Variants in PCDHGA4 observed in about 807,000 individuals in gnomAD.
The protein encoded by PCDHGA4 is protocadherin gamma subfamily A, 4.
A neutral mutation model predicts 54.6 loss-of-function variants in PCDHGA4; 38 were observed. The observed-to-expected ratio is 0.70, with a 90% CI of 0.54 to 0.91. The LOEUF is 0.91. PCDHGA4 is among the 40% of genes least tolerant of loss of function. The probability of loss-of-function intolerance (pLI) is 0.00; values close to 1 mark genes in which losing one functional copy is unlikely to be tolerated. For missense variants in PCDHGA4, 1,298 were observed against 1,220.9 expected (o/e 1.06, Z -0.94); for synonymous variants, 511 against 512.9 (o/e 1.00, Z 0.05).
rs570809952 is a variant in PCDHGA4 at position 141,463,609 on chromosome 5, C to T, written c.2515-31198C>T. 4.6e-5 allele frequency among the ~76,000 whole-genome samples: 7 copies of T among 151,964 alleles called. No homozygotes were observed. In the East Asian group the frequency reaches 9.7e-4, roughly 21 times the overall value. The stretch of plus-strand genomic sequence containing the variant: ...GACTACAGGTGCCTGCCACCATGCC[C>T]GGCTAATTTTTTGTATTTTGTTTAG... On this transcript the variant is annotated intron_variant, in intron 1 of 3. Coordinates refer to ENST00000571252, the MANE Select transcript of PCDHGA4 (RefSeq NM_018917.4).
chr5:141,372,317 C>T (rs775859797), intron 1 of PCDHGA4: 3 of 1,613,614 alleles, frequency 1.9e-6, no homozygotes, highest in East Asian at 2.2e-5. Flanking sequence ...CCCGCCAGCG[C>T]CTGCTGGTCA....
Position 141,355,073 on chromosome 5 carries a change from G to T in PCDHGA4, c.-35G>T. 7.3e-7 allele frequency: 1 copy of T among 1,374,922 alleles called. No homozygotes were observed. The highest frequency in any genetic ancestry group is 2.4e-5 in the East Asian group (1 of 41,210). The allele number at this position is 1,374,922 out of a possible 1,614,324, so 85.2% of individuals were successfully genotyped here. ...GCACTGGCTCTGGAGCTTTATGAAA[G>T]CTTCAAGCGGAAGCCCTGAGAGCTC... On this transcript the variant is annotated 5_prime_UTR_variant, in exon 1 of 4. Coordinates refer to ENST00000571252, the MANE Select transcript of PCDHGA4 (RefSeq NM_018917.4).
chr5:141,365,864 G>A lies in PCDHGA4; in HGVS notation c.2514+8243G>A, dbSNP rs753111294. 9 of 1,614,004 alleles carry A rather than the reference G, an allele frequency of 5.6e-6. No individual in the cohort carries two copies. In the Admixed American group the frequency reaches 6.7e-5, roughly 12 times the overall value. ...CTATGTATCCATTAACTCTGACACC[G>A]GTGTCCTGTATGCTCTGAGATCCTT... is the stretch of plus-strand genomic sequence containing the variant. On this transcript the variant is annotated intron_variant, in intron 1 of 3. Coordinates refer to ENST00000571252, the MANE Select transcript of PCDHGA4 (RefSeq NM_018917.4).
chr5:141,410,579 G>A (rs760249748), intron 1 of PCDHGA4: 17 of 1,610,792 alleles, frequency 1.1e-5, no homozygotes, highest in Non-Finnish European at 1.4e-5. Context: ...TCCACCTCAT[G>A]GTGGGGAGGA....
intron 1 of PCDHGA4, among the ~76,000 whole-genome samples, chr5:141,492,539 G>A (rs1474928199): frequency 1.3e-5 from 2 of 152,200 alleles, no homozygotes; most frequent in African/African-American, 2.4e-5. Context: ...GCCCCGGGCT[G>A]GGCCGGGTCG....
rs778851755 is a variant in PCDHGA4, at chr5:141,477,795, G to A, written c.2515-17012G>A. ...AGCGTGAACATATTTGTCACTGATC[G>A]CAATGACAATGCCCCCCAGGTCCTA... On this transcript the variant is annotated intron_variant, in intron 1 of 3. Coordinates refer to ENST00000571252, the MANE Select transcript of PCDHGA4 (RefSeq NM_018917.4). This position sits in a 1 kb window ranked among gnomAD's most constrained non-coding sequence, Gnocchi z 4.9. The A allele has an allele frequency of 3.1e-6, 5 of 1,613,946 alleles. No individual in the cohort carries two copies. In the African/African-American group the frequency reaches 6.7e-5, roughly 22 times the overall value.
chr5:141,371,939 C>G (rs1561553418), intron 1 of PCDHGA4: 6 of 1,613,300 alleles, frequency 3.7e-6, no homozygotes, highest in Non-Finnish European at 5.1e-6. Context: ...GGGTGGTGTT[C>G]GCGCAGCGAG....
chr5:141,496,795 T>C (rs886559302), intron 2 of PCDHGA4, among the ~76,000 whole-genome samples: 27 of 151,976 alleles, frequency 1.8e-4, no homozygotes, highest in Middle Eastern at 3.4e-3. Flanking sequence ...GTGCTAAACA[T>C]TGGGCTATAG....
intron 2 of PCDHGA4, among the ~76,000 whole-genome samples, chr5:141,498,949 AAGAG>A (rs1417276243): frequency 1.3e-4 from 18 of 133,552 alleles, no homozygotes; most frequent in African/African-American, 1.9e-4. Context: ...AAGAAAGAAA[AAGAG>A]AGAGAGGGAG....
At chr5:141,399,402 G>T (rs2093800599) in intron 1 of PCDHGA4, 2 of 1,613,898 alleles carry the variant, frequency 1.2e-6, no homozygotes, top group Non-Finnish European at 1.7e-6. Context: ...ACAGGGGCAA[G>T]CCGCCCCTCT....
In PCDHGA4 at chr5:141,489,068, G is replaced by GGC; in HGVS notation, c.2515-5739_2515-5738insGC. 1 of 291,558 alleles carries GGC rather than the reference G, an allele frequency of 3.4e-6. No individual in the cohort carries two copies. The allele number at this position is 291,558 out of a possible 1,614,324, so 18.1% of individuals were successfully genotyped here. ...CTCAAATTCAGCTCCCCTCCCCCCT[G>GGC]CCCACCCCCGCCACTCGGTGACTAA... On this transcript the variant is annotated intron_variant, in intron 1 of 3. Transcript: ENST00000571252. The surrounding 1 kb of genome is among the most constrained non-coding windows in gnomAD (Gnocchi z 4.5).
Position 141,418,176 on chromosome 5 carries a change from T to G in PCDHGA4, c.2514+60555T>G, listed in dbSNP as rs1197334192. 1 of 1,614,078 alleles carries G rather than the reference T, an allele frequency of 6.2e-7. No individual in the cohort carries two copies. Among genetic ancestry groups the G allele is most frequent in the Non-Finnish European group, 8.5e-7 (1 of 1,179,908 alleles). On this transcript the variant is annotated intron_variant, in intron 1 of 3. Coordinates refer to ENST00000571252, the MANE Select transcript of PCDHGA4 (RefSeq NM_018917.4). ...GAGAGAAGAAGATGTGAGTTGCAAT[T>G]GGAAGCTGTGGTGGAAAATCCTTTA...
At chr5:141,360,639 A>G (rs1226434354) in intron 1 of PCDHGA4, 5 of 1,613,898 alleles carry the variant, frequency 3.1e-6, no homozygotes, top group African/African-American at 2.7e-5. Context: ...ACTCACTACA[A>G]AGATACCACC....
intron 1 of PCDHGA4, chr5:141,384,288 G>C: frequency 6.2e-7 from 1 of 1,613,784 alleles, no homozygotes; most frequent in South Asian, 1.1e-5. Flanking sequence ...ACATCGCTGA[G>C]AACAACCCCA....
At chr5:141,403,121 C>T (rs2094357954) in intron 1 of PCDHGA4, 1 of 1,614,046 alleles carries the variant, frequency 6.2e-7, no homozygotes, top group Non-Finnish European at 8.5e-7. Context: ...TCTGGAGCCC[C>T]GGGAGCTGGC....
rs540507159 is a variant in PCDHGA4 at position 141,422,671 on chromosome 5, A to G, written c.2514+65050A>G. On this transcript the variant is annotated intron_variant, in intron 1 of 3. Coordinates refer to ENST00000571252, the MANE Select transcript of PCDHGA4 (RefSeq NM_018917.4). The stretch of plus-strand genomic sequence containing the variant: ...CTCAGTGACCGCCCTCGACCCGGAC[A>G]GCAAACAGAATGCCCTGGTCACTTA... 4 of 1,607,248 alleles carry G rather than the reference A, an allele frequency of 2.5e-6. No homozygotes were observed. The Admixed American group carries it at 5.0e-5, about 20-fold the overall frequency.
intron 1 of PCDHGA4, among the ~76,000 whole-genome samples, chr5:141,373,021 T>C (rs2150016771): frequency 6.6e-6 from 1 of 152,328 alleles, no homozygotes; most frequent in Non-Finnish European, 1.5e-5. Flanking sequence ...CTTTTGATAG[T>C]CTTGAAACTT....
intron 1 of PCDHGA4, chr5:141,424,083 C>T (rs2096798692): frequency 4.2e-6 from 4 of 957,190 alleles, no homozygotes; most frequent in Non-Finnish European, 5.1e-6. Flanking sequence ...TATATTCCAC[C>T]ATTATTTGCT....
chr5:141,420,018 G>T, intron 1 of PCDHGA4: 2 of 1,614,066 alleles, frequency 1.2e-6, no homozygotes, highest in African/African-American at 2.7e-5. Flanking sequence ...CAGTCTTTCA[G>T]CCCTACTGCA....
Sources: gnomAD v4.1 joint callset for allele counts (sites outside exome capture counted in the v4.1 genomes callset) on GRCh38, gnomAD v4.1.1 for gene constraint, Gnocchi (gnomAD v3.1) non-coding constraint, MANE v1.5 for transcripts, NCBI Gene and HGNC (gene_info 2026-07-23, HGNC 2026-07-21) for gene names.